PLEKHA8: variants seen among roughly 807,000 people sequenced by gnomAD.
The protein encoded by PLEKHA8 is pleckstrin homology domain-containing family A member 8.
Under a neutral mutation model 68.2 loss-of-function variants are expected in PLEKHA8, and 36 were observed. The observed-to-expected ratio is 0.53, with a 90% CI of 0.40 to 0.70. The LOEUF (loss-of-function observed/expected upper bound fraction) is 0.70, where lower values mean the gene tolerates loss of function less well. Among genes scored for constraint, PLEKHA8 ranks in the 30% least tolerant of loss-of-function variants. The pLI is 0.00. For missense variants in PLEKHA8, 505 were observed against 615.4 expected (o/e 0.82, Z 1.90); for synonymous variants, 211 against 216.1 (o/e 0.98, Z 0.20).
downstream of PLEKHA8, among the ~76,000 whole-genome samples, chr7:30,088,559 T>C (rs926127872): frequency 6.6e-6 from 1 of 152,084 alleles, no homozygotes; most frequent in Non-Finnish European, 1.5e-5. Context: ...GTGGGATCTT[T>C]TAGGATAAAT....
chr7:30,072,827 C>T (rs907112149), intron 12 of PLEKHA8, among the ~76,000 whole-genome samples: 3 of 152,006 alleles, frequency 2.0e-5, no homozygotes, highest in African/African-American at 7.3e-5. Context: ...TCAAATAGCC[C>T]CCATGGTACA....
chr7:30,128,297 A>G (rs571931872), intron 13 of PLEKHA8, among the ~76,000 whole-genome samples: 15 of 151,980 alleles, frequency 9.9e-5, no homozygotes, highest in African/African-American at 3.6e-4. Context: ...TGTAGAGACA[A>G]GGTCTCACTA....
At chr7:30,102,010 G>C (rs1181899683) in intron 13 of PLEKHA8, among the ~76,000 whole-genome samples, 1 of 152,200 alleles carries the variant, frequency 6.6e-6, no homozygotes, top group African/African-American at 2.4e-5. Flanking sequence ...TACAGAATGA[G>C]AGAAAGTATT....
Position 30,056,571 on chromosome 7 carries a change from A to G in PLEKHA8, c.1039+1229A>G, listed in dbSNP as rs1232395807. On this transcript the variant is annotated intron_variant, in intron 9 of 13. Coordinates refer to ENST00000449726, the MANE Select transcript of PLEKHA8 (RefSeq NM_001197026.2). The stretch of plus-strand genomic sequence containing the variant: ...TGGTAAAACCCCGTCTCTACTAAAA[A>G]TACAAAAATTAGCTGAGTGTGGTGG... Among the ~76,000 whole-genome samples, 3 of 148,226 alleles carry G rather than the reference A, an allele frequency of 2.0e-5. No homozygotes were observed. In the East Asian group the frequency reaches 6.0e-4, roughly 29 times the overall value.
chr7:30,084,409 T>C lies in PLEKHA8; in HGVS notation c.*5622T>C, dbSNP rs1795091460. The C allele has an allele frequency of 1.0e-6, 1 of 985,304 alleles. No homozygotes were observed. The highest frequency in any genetic ancestry group is 4.7e-5 in the South Asian group (1 of 21,296). The allele number at this position is 985,304 out of a possible 1,614,324, so 61.0% of individuals were successfully genotyped here. The stretch of plus-strand genomic sequence containing the variant: ...CAAGTTAAACTATAAAAGTGTCAAG[T>C]GGCTTGTTAACTTCTTAATTTAATG... On this transcript the variant is annotated 3_prime_UTR_variant, in exon 14 of 14. Coordinates refer to ENST00000449726, the MANE Select transcript of PLEKHA8 (RefSeq NM_001197026.2).
At chr7:30,050,534 T>C in intron 6 of PLEKHA8, 60 bp downstream of exon 6, 2 of 1,461,900 alleles carry the variant, frequency 1.4e-6, no homozygotes, top group Non-Finnish European at 1.8e-6. Flanking sequence ...TTGTTATTCC[T>C]TGTTTAAAAA....
rs1318297600 is a variant in PLEKHA8, at chr7:30,081,445, C to CTACTT, written c.*2661_*2662insTTTAC. The CTACTT allele has an allele frequency of 6.1e-6, 6 of 984,558 alleles. No individual in the cohort carries two copies. In the African/African-American group the frequency reaches 8.7e-5, roughly 14 times the overall value. 61.0% of individuals were successfully genotyped at this position (984,558 alleles called of 1,614,324 possible). A position where few individuals can be genotyped will look rare whatever the true frequency, so the allele number is the denominator to read the frequency against. ...ACCTTGGCATAGTCAGAGCTTCCTC[C>CTACTT]TACATCTAAAGTATTTGCTCTCTGT... On this transcript the variant is annotated 3_prime_UTR_variant, in exon 14 of 14. Transcript: ENST00000449726.
At chr7:30,094,452 T>C (rs535611284), downstream of PLEKHA8, among the ~76,000 whole-genome samples, 5 of 152,194 alleles carry the variant, frequency 3.3e-5, no homozygotes, top group Admixed American at 2.6e-4. Flanking sequence ...TTTTTTGTAT[T>C]TTTAATACAG....
intron 9 of PLEKHA8, among the ~76,000 whole-genome samples, chr7:30,056,312 C>CTCTATATATATATA (rs796845171): frequency 3.2e-4 from 30 of 94,550 alleles, no homozygotes; most frequent in East Asian, 8.6e-4. Flanking sequence ...CTCTCTCTCT[C>CTCTATATATATATA]TATATATATA....
At chr7:30,119,041 C>T (rs570840343) in intron 13 of PLEKHA8, among the ~76,000 whole-genome samples, 1 of 152,120 alleles carries the variant, frequency 6.6e-6, no homozygotes, top group East Asian at 1.9e-4. Context: ...GGCATTGGCC[C>T]GTGGTACAGA....
chr7:30,121,340 G>A (rs1796693997), intron 13 of PLEKHA8, among the ~76,000 whole-genome samples: 2 of 151,698 alleles, frequency 1.3e-5, no homozygotes, highest in Admixed American at 1.3e-4. Flanking sequence ...AAAACTTACA[G>A]TTTATTGGCT....
At chr7:30,067,729 A>C (rs573810979) in intron 12 of PLEKHA8, among the ~76,000 whole-genome samples, 1 of 152,198 alleles carries the variant, frequency 6.6e-6, no homozygotes, top group Admixed American at 6.5e-5. Flanking sequence ...ATGAGGTATC[A>C]TATTGTGCAC....
rs1055083065 is a variant in PLEKHA8, at chr7:30,028,417, G to A, written c.-346G>A. The A allele has an allele frequency of 5.5e-5, 13 of 237,094 alleles. No homozygotes were observed. The highest frequency in any genetic ancestry group is 1.1e-4 in the Non-Finnish European group (13 of 122,936). The allele number at this position is 237,094 out of a possible 1,614,324, so 14.7% of individuals were successfully genotyped here. On this transcript the variant is annotated 5_prime_UTR_variant, in exon 1 of 14. Coordinates refer to ENST00000449726, the MANE Select transcript of PLEKHA8 (RefSeq NM_001197026.2). ...GGCGAGTCGAGGGTTCAGGTGGTGCGCCGTGGCGCCGCCTGCGACCGGCAG... is the reference window on the plus strand; with the variant it reads ...GGCGAGTCGAGGGTTCAGGTGGTGCACCGTGGCGCCGCCTGCGACCGGCAG...
At chr7:30,056,771 GTGTGTGTGTGTGTGTATA>G (rs1327320783) in intron 9 of PLEKHA8, among the ~76,000 whole-genome samples, 1 of 133,614 alleles carries the variant, frequency 7.5e-6, no homozygotes, top group African/African-American at 2.9e-5. Context: ...GTGTGTGTGT[GTGTGTGTGTGTGTGTATA>G]TATATATGTT....
intron 13 of PLEKHA8, among the ~76,000 whole-genome samples, chr7:30,101,185 A>G (rs1018690579): frequency 2.6e-5 from 4 of 152,006 alleles, no homozygotes; most frequent in African/African-American, 9.7e-5. Flanking sequence ...TGGGGGAAAA[A>G]AAAAAAAGAA....
chr7:30,064,067 G>A (rs1425293074), intron 12 of PLEKHA8, among the ~76,000 whole-genome samples: 1 of 152,198 alleles, frequency 6.6e-6, no homozygotes, highest in Admixed American at 6.5e-5. Flanking sequence ...TGGAGTGTAG[G>A]ATCAGGAGCT....
In PLEKHA8 at chr7:30,028,580, G is replaced by T; in HGVS notation, c.-183G>T. On this transcript the variant is annotated 5_prime_UTR_variant, in exon 1 of 14. Coordinates refer to ENST00000449726, the MANE Select transcript of PLEKHA8 (RefSeq NM_001197026.2). ...CTGGGCTTCAAGCGCCGAGGCCGCC[G>T]CAGTGACCCCGCCCCCGGGCCGAGG... 2.5e-6 allele frequency: 1 copy of T among 403,128 alleles called. No homozygotes were observed. 25.0% of individuals were successfully genotyped at this position (403,128 alleles called of 1,614,324 possible).
At chr7:30,032,179 C>G (rs1583758122) in intron 1 of PLEKHA8, among the ~76,000 whole-genome samples, 1 of 152,288 alleles carries the variant, frequency 6.6e-6, no homozygotes, top group East Asian at 1.9e-4. Flanking sequence ...TTGTGTCTTT[C>G]AAGACCTAAA....
intron 13 of PLEKHA8, among the ~76,000 whole-genome samples, chr7:30,127,999 G>T (rs1796804493): frequency 6.7e-6 from 1 of 149,742 alleles, no homozygotes; most frequent in Non-Finnish European, 1.5e-5. Context: ...AAAGTTATTT[G>T]CCTATTGTAT....
Sources: allele counts gnomAD v4.1 joint callset (sites outside exome capture counted in the v4.1 genomes callset), GRCh38; gene constraint gnomAD v4.1.1; transcripts MANE v1.5; gene names NCBI Gene and HGNC (gene_info 2026-07-23, HGNC 2026-07-21).